The following LATS1 variants were observed in gnomAD, a reference collection of about 807,000 sequenced individuals.
LATS1 encodes serine/threonine-protein kinase LATS1.
In LATS1, 25 loss-of-function variants were observed where a neutral mutation model predicts 106.6. That is an observed-to-expected ratio of 0.23 (90% CI 0.17 to 0.33). The LOEUF is 0.33. Among genes scored for constraint, LATS1 ranks in the 10% least tolerant of loss-of-function variants. The pLI is 1.00. For synonymous variants in LATS1, 465 were observed against 455.6 expected, an observed-to-expected ratio of 1.02 and a Z score of -0.26; for missense variants, 1,040 against 1,382.6, an observed-to-expected ratio of 0.75 and a Z score of 3.93.
At chr6:149,701,595 G>T (rs1411027762) in intron 2 of LATS1, among the ~76,000 whole-genome samples, 184 bp downstream of exon 2, 2 of 152,032 alleles carry the variant, frequency 1.3e-5, no homozygotes, top group Non-Finnish European at 2.9e-5. Flanking sequence ...AGAAACTAAA[G>T]AAATATTATT....
intron 7 of LATS1, among the ~76,000 whole-genome samples, chr6:149,666,190 A>G (rs1287390173): frequency 1.3e-5 from 2 of 152,000 alleles, no homozygotes; most frequent in African/African-American, 4.8e-5. Context: ...ATTATTCAAA[A>G]TGTCCAGGAT....
Position 149,684,576 on chromosome 6 carries a change from T to C in LATS1, c.513A>G (p.Ser171=), listed in dbSNP as rs377361277. The change falls in exon 4 of 8, where the codon TCA becomes TCG. Residue 171 remains serine, a synonymous_variant. Transcript: ENST00000543571. ...CTTTCCAGCTCTGTTTGCGGTTAACTGATTGCTGCACATTCCCTATGGTTA... is the reference window on the plus strand; with the variant it reads ...CTTTCCAGCTCTGTTTGCGGTTAACCGATTGCTGCACATTCCCTATGGTTA... The part of the protein sequence containing the change: ...ASMKPGNVQQ[S]VNRKQSWKGS... 8.1e-6 allele frequency: 13 copies of C among 1,598,504 alleles called. No individual in the cohort carries two copies. The highest frequency in any genetic ancestry group is 1.7e-5 in the Admixed American group (1 of 58,872).
chr6:149,667,469 G>A (rs1056650941), intron 7 of LATS1, among the ~76,000 whole-genome samples: 15 of 141,716 alleles, frequency 1.1e-4, no homozygotes, highest in Admixed American at 4.2e-4. Context: ...AAAAAAAAAG[G>A]AGGTGGATAC....
At chr6:149,667,438 CAAAAAAAAAAAAAAAAAA>C (rs1189854950) in intron 7 of LATS1, among the ~76,000 whole-genome samples, 2 of 33,958 alleles carry the variant, frequency 5.9e-5, no homozygotes, top group African/African-American at 2.6e-4. Flanking sequence ...GACTGTATCT[CAAAAAAAAAAAAAAAAAA>C]AAAAAAAAAA....
chr6:149,707,279 G>T (rs983815447), intron 1 of LATS1, among the ~76,000 whole-genome samples: 1 of 152,058 alleles, frequency 6.6e-6, no homozygotes, highest in Non-Finnish European at 1.5e-5. Flanking sequence ...CTCCCAAAGT[G>T]CTGGGATTAC....
At position 149,680,295 on chromosome 6, in the gene LATS1, C is replaced by A. The variant is rs1168057860; in HGVS notation, c.2173G>T (p.Val725Leu). Residue 725 changes from valine to leucine, a missense_variant, in exon 5 of 8, where the codon GTA becomes TTA. Physicochemically the swap from Val to Leu is conservative, Grantham distance 32. Transcript: ENST00000543571. The stretch of plus-strand genomic sequence containing the variant: ...GTTGCATACAAAGCCTTAGTATCTA[C>A]TTTTCTTGCTAGACAGACTTCACCA... ...AFGEVCLARK[V>L]DTKALYATKT... 2 of 1,613,896 alleles carry A rather than the reference C, an allele frequency of 1.2e-6. No individual in the cohort carries two copies. The highest frequency in any genetic ancestry group is 2.2e-5 in the East Asian group (1 of 44,876).
chr6:149,702,105 C>T lies in LATS1; in HGVS notation c.22G>A (p.Glu8Lys). ...TTAGGCCTCATTTGTCTATATCCTT[C>T]TGGCTTTTCACTCCTCTTCATGAAA... MKRSEKPEGYRQMRPKTF... is the reference protein window; with the variant it reads MKRSEKPKGYRQMRPKTF... The change falls in exon 2 of 8, where the codon GAA becomes AAA. Residue 8 changes from glutamate to lysine, a missense_variant. Around this residue, in one of 7 missense-constraint regions of LATS1, gnomAD observed 624 missense variants for 714.8 expected, o/e 0.87. Coordinates refer to ENST00000543571, the MANE Select transcript of LATS1 (RefSeq NM_004690.4). 1 of 1,609,460 alleles carries T rather than the reference C, an allele frequency of 6.2e-7. No individual in the cohort carries two copies. The highest frequency in any genetic ancestry group is 8.5e-7 in the Non-Finnish European group (1 of 1,177,840).
At chr6:149,686,495 G>C (rs779048143) in intron 3 of LATS1, among the ~76,000 whole-genome samples, 1 of 152,002 alleles carries the variant, frequency 6.6e-6, no homozygotes, top group Non-Finnish European at 1.5e-5. Context: ...GGATCCACTC[G>C]GCTCCACAGC....
rs113224377 is a variant in LATS1 at position 149,676,001 on chromosome 6, C to A, written c.2883+259G>T. On this transcript the variant is annotated intron_variant, in intron 7 of 7. Transcript: ENST00000543571. Reference sequence around the variant, plus strand: ...GTTCCTATACCCTTACAAGTTCATTCTTTTCCTTTTTTAAATTAAAAAATA... The same window carrying A: ...GTTCCTATACCCTTACAAGTTCATTATTTTCCTTTTTTAAATTAAAAAATA... 2,894 of 393,550 alleles carry A rather than the reference C, an allele frequency of 7.4e-3. 70 individuals carry two copies. Among genetic ancestry groups the A allele is most frequent in the African/African-American group, 0.054 (2,655 of 48,722 alleles). 24.4% of individuals were successfully genotyped at this position (393,550 alleles called of 1,614,324 possible). A position where few individuals can be genotyped will look rare whatever the true frequency, so the allele number is the denominator to read the frequency against.
chr6:149,711,896 T>C (rs1934534), intron 1 of LATS1, among the ~76,000 whole-genome samples: 70,313 of 151,930 alleles, frequency 0.46, 17,586 homozygotes, highest in East Asian at 0.81. Flanking sequence ...GCGCTTACTG[T>C]GGCCCTTGTG....
At chr6:149,689,547 T>A (rs1269858800) in intron 3 of LATS1, among the ~76,000 whole-genome samples, 3 of 152,124 alleles carry the variant, frequency 2.0e-5, no homozygotes, top group African/African-American at 7.2e-5. Context: ...AAAGAAAAAG[T>A]GATGCAGTGG....
intron 3 of LATS1, among the ~76,000 whole-genome samples, chr6:149,690,546 ACTTT>A (rs1399232865): frequency 4.1e-5 from 6 of 146,286 alleles, no homozygotes; most frequent in East Asian, 2.0e-4. Context: ...TAAAATTTTA[ACTTT>A]CTTTTTTTTT....
intron 7 of LATS1, among the ~76,000 whole-genome samples, chr6:149,673,618 A>G (rs2114746798): frequency 6.6e-6 from 1 of 152,028 alleles, no homozygotes; most frequent in Admixed American, 6.5e-5. Flanking sequence ...TTATCAGCAG[A>G]CCTATACTAT....
chr6:149,712,589 G>A (rs893355590), intron 1 of LATS1, among the ~76,000 whole-genome samples: 21 of 151,338 alleles, frequency 1.4e-4, no homozygotes, highest in Middle Eastern at 3.4e-3. Context: ...GGCCTCAAGC[G>A]ATCCTCCCAC....
chr6:149,665,133 G>A (rs1444799686), intron 7 of LATS1, among the ~76,000 whole-genome samples: 2 of 152,180 alleles, frequency 1.3e-5, no homozygotes, highest in African/African-American at 2.4e-5. Context: ...AGGCCGAGGC[G>A]GGTGGATCAC....
intron 5 of LATS1, among the ~76,000 whole-genome samples, chr6:149,678,619 C>T (rs933408732): frequency 1.3e-5 from 2 of 152,118 alleles, no homozygotes; most frequent in African/African-American, 4.8e-5. Context: ...TTGTTGCGAG[C>T]ATATTAGAAT....
chr6:149,701,747 G>A, intron 2 of LATS1, 32 bp downstream of exon 2: 2 of 1,503,758 alleles, frequency 1.3e-6, no homozygotes, highest in Non-Finnish European at 1.8e-6. Context: ...AAGGTAAGAA[G>A]AATCCTTTCT....
chr6:149,687,213 CCT>C lies in LATS1; in HGVS notation c.497-2623_497-2622del, dbSNP rs920437542. Among the ~76,000 whole-genome samples the C allele has an allele frequency of 4.8e-3, 722 of 151,954 alleles. 5 individuals are homozygous for C. Among genetic ancestry groups the C allele is most frequent in the African/African-American group, 0.016 (683 of 41,422 alleles). ...TTAGGCGATTCTCCTGCCTCAGCCCCCTGTGTAGCTGGGATTACAGGCAGGTG... is the reference window on the plus strand; with the variant it reads ...TTAGGCGATTCTCCTGCCTCAGCCCCGTGTAGCTGGGATTACAGGCAGGTG... On this transcript the variant is annotated intron_variant, in intron 3 of 7. Transcript: ENST00000543571.
chr6:149,717,716 A>G (rs1252121385), intron 1 of LATS1, 133 bp downstream of exon 1: 1 of 210,358 alleles, frequency 4.8e-6, no homozygotes, highest in Non-Finnish European at 9.9e-6. Flanking sequence ...TCAGGCCCGG[A>G]GCGGGCCGGC....
Sources: gnomAD v4.1 joint callset for allele counts (sites outside exome capture counted in the v4.1 genomes callset) on GRCh38, gnomAD v4.1.1 for gene constraint, gnomAD v4.1.1 regional missense constraint, MANE v1.5 for transcripts, NCBI Gene and HGNC (gene_info 2026-07-23, HGNC 2026-07-21) for gene names.